The following INTS11 variants were observed in gnomAD, a reference collection of about 807,000 sequenced individuals.
INTS11 encodes the protein integrator complex subunit 11, also known as CPSF3-like protein.
INTS11 carries 77 observed loss-of-function variants against 78.6 expected under a neutral mutation model. The observed-to-expected ratio is 0.98, with a 90% CI of 0.81 to 1.18. INTS11 has a LOEUF of 1.18. Among genes scored for constraint, INTS11 ranks in the 50% most tolerant of loss-of-function variants. The pLI, the probability that INTS11 is intolerant of heterozygous loss-of-function variation, is 0.00. For synonymous variants in INTS11, 441 were observed against 326.9 expected (o/e 1.35, Z -3.77); for missense variants, 875 against 825.9 (o/e 1.06, Z -0.73).
chr1:1,311,807 G>T lies in INTS11; in HGVS notation c.*52C>A. 1.3e-6 allele frequency: 2 copies of T among 1,493,256 alleles called. No individual in the cohort carries two copies. Among genetic ancestry groups the T allele is most frequent in the Non-Finnish European group, 1.8e-6 (2 of 1,117,062 alleles). The allele number at this position is 1,493,256 out of a possible 1,614,324, so 92.5% of individuals were successfully genotyped here. ...CCACAGTCCTGAAGTGCAGGCCCAG[G>T]GTCTGTCCAGCTGGGAGAGGGCAGA... is the stretch of plus-strand genomic sequence containing the variant. On this transcript the variant is annotated 3_prime_UTR_variant, in exon 17 of 17. Coordinates refer to ENST00000435064, the MANE Select transcript of INTS11 (RefSeq NM_017871.6).
intron 10 of INTS11, 136 bp downstream of exon 10, chr1:1,313,373 C>T: frequency 4.8e-6 from 5 of 1,045,430 alleles, no homozygotes; most frequent in Non-Finnish European, 7.2e-6. Context: ...GGACATCGCC[C>T]CCGTTCCCCA....
At chr1:1,315,281 A>T in intron 6 of INTS11, 123 bp downstream of exon 6, 1 of 1,226,252 alleles carries the variant, frequency 8.2e-7, no homozygotes, top group Non-Finnish European at 1.2e-6. Context: ...GGGGCTCTCC[A>T]GGCCGCACAG....
chr1:1,313,953 C>G (rs1481723803), intron 8 of INTS11, 32 bp from the exon 9 acceptor site: 2 of 1,598,266 alleles, frequency 1.3e-6, no homozygotes, highest in Admixed American at 3.4e-5. Flanking sequence ...AGCACAGTGG[C>G]CACAGGGGAG....
chr1:1,324,637 G>A lies in INTS11; in HGVS notation c.-29C>T, dbSNP rs775298552. On this transcript the variant is annotated 5_prime_UTR_variant, in exon 1 of 17. Coordinates refer to ENST00000435064, the MANE Select transcript of INTS11 (RefSeq NM_017871.6). Reference sequence around the variant, plus strand: ...CTCCGCCGCGCTCCCGGACCCGCGAGGCCCGCCTGCGGTGATGCACTGCGC... The same window carrying A: ...CTCCGCCGCGCTCCCGGACCCGCGAAGCCCGCCTGCGGTGATGCACTGCGC... 2 of 1,598,586 alleles carry A rather than the reference G, an allele frequency of 1.3e-6. No individual in the cohort carries two copies. The highest frequency in any genetic ancestry group is 1.7e-5 in the Admixed American group (1 of 59,034).
In INTS11 at chr1:1,312,482, C is replaced by T; in HGVS notation, c.1422G>A (p.Lys474=). The T allele has an allele frequency of 1.9e-6, 3 of 1,580,018 alleles. No homozygotes were observed. Among genetic ancestry groups the T allele is most frequent in the Non-Finnish European group, 2.6e-6 (3 of 1,163,472 alleles). The part of the protein sequence containing the change: ...EMAQGLLPEA[K]KPRLLHGTLI... The stretch of plus-strand genomic sequence containing the variant: ...GGGTGCCGTGCAGGAGCCGAGGCTT[C>T]TTGGCCTCAGGGAGCAGCCCTGCGG... Residue 474 remains lysine, a synonymous_variant, in exon 14 of 17, where the codon AAG becomes AAA. Transcript: ENST00000435064.
chr1:1,315,038 C>T, intron 6 of INTS11, 76 bp from the exon 7 acceptor site: 1 of 1,557,738 alleles, frequency 6.4e-7, no homozygotes, highest in Non-Finnish European at 8.8e-7. Flanking sequence ...ACAAGCTGGA[C>T]CCCAGTACCA....
At chr1:1,323,158 G>A (rs754519977) in intron 1 of INTS11, 2 of 1,549,710 alleles carry the variant, frequency 1.3e-6, no homozygotes, top group South Asian at 2.4e-5. Context: ...GGGGCGGGGG[G>A]CACCCTCCGA....
At chr1:1,323,258 C>T (rs1643070471) in intron 1 of INTS11, 1 of 1,550,324 alleles carries the variant, frequency 6.5e-7, no homozygotes, top group East Asian at 2.4e-5. Flanking sequence ...GGTGGAAGGA[C>T]CAGGTTCCAG....
In INTS11 at chr1:1,312,898, C is replaced by T. The variant is rs778570936; in HGVS notation, c.1183G>A (p.Ala395Thr). ...CCCACCAGCTGCATGATGCCCTTGG[C>T]GTCCGCGTGTGCGCTGAATGACATG... ...EYMSFSAHAD[A>T]KGIMQLVGQA... is the part of the protein sequence containing the mutation. The change falls in exon 12 of 17, where the codon GCC becomes ACC. Residue 395 changes from alanine (A) to threonine (T), a missense_variant. Coordinates refer to ENST00000435064, the MANE Select transcript of INTS11 (RefSeq NM_017871.6). 6.2e-7 allele frequency: 1 copy of T among 1,612,562 alleles called. No homozygotes were observed. The highest frequency in any genetic ancestry group is 8.5e-7 in the Non-Finnish European group (1 of 1,179,876).
At position 1,322,396 on chromosome 1, in the gene INTS11, C is replaced by T. The variant is rs934951477; in HGVS notation, c.29-1303G>A. Among the ~76,000 whole-genome samples, 16 of 149,974 alleles carry T rather than the reference C, an allele frequency of 1.1e-4. No individual in the cohort carries two copies. The Admixed American group carries it at 1.1e-3, about 10-fold the overall frequency. The stretch of plus-strand genomic sequence containing the variant: ...GGAGATATCCCTGTCAGCAAGGAGA[C>T]AGACGGCAGACAAACAAGACACCCA... On this transcript the variant is annotated intron_variant, in intron 1 of 16. Transcript: ENST00000435064.
chr1:1,314,655 G>T lies in INTS11; in HGVS notation c.702+169C>A. The T allele has an allele frequency of 1.1e-6, 1 of 871,354 alleles. No homozygotes were observed. The highest frequency in any genetic ancestry group is 1.7e-6 in the Non-Finnish European group (1 of 571,610). The allele number at this position is 871,354 out of a possible 1,614,324, so 54.0% of individuals were successfully genotyped here. A position where few individuals can be genotyped will look rare whatever the true frequency, so the allele number is the denominator to read the frequency against. On this transcript the variant is annotated intron_variant, in intron 7 of 16. Coordinates refer to ENST00000435064, the MANE Select transcript of INTS11 (RefSeq NM_017871.6). This position sits in a 1 kb window ranked among gnomAD's most constrained non-coding sequence, Gnocchi z 4.2. Reference sequence around the variant, plus strand: ...AGGGAAAAGGGGCTCCCTAGGAAAGGGTCTCTGAGTTTTCCTCCTCAATGT... The same window carrying T: ...AGGGAAAAGGGGCTCCCTAGGAAAGTGTCTCTGAGTTTTCCTCCTCAATGT...
At position 1,314,870 on chromosome 1, in the gene INTS11, C is replaced by T. The variant is rs755190827; in HGVS notation, c.656G>A (p.Arg219Gln). Reference protein sequence around the residue: ...TIRDSKRCRERDFLKKVHETV... With the variant: ...TIRDSKRCREQDFLKKVHETV... ...CTCGTGGACTTTCTTCAGGAAGTCT[C>T]GCTCCCGGCAGCGCTTGGAGTCACG... is the stretch of plus-strand genomic sequence containing the variant. Residue 219 changes from arginine (R) to glutamine (Q), a missense_variant, in exon 7 of 17, where the codon CGA (arginine) becomes CAA (glutamine). By Grantham distance (43) the Arg-to-Gln change is conservative. Transcript: ENST00000435064. The surrounding 1 kb of genome is among the most constrained non-coding windows in gnomAD (Gnocchi z 4.2). 9 of 1,612,854 alleles carry T rather than the reference C, an allele frequency of 5.6e-6. No homozygotes were observed. The highest frequency in any genetic ancestry group is 5.3e-5 in the African/African-American group (4 of 74,906).
At chr1:1,323,579 AT>A (rs376175098) in intron 1 of INTS11, among the ~76,000 whole-genome samples, 209 of 137,964 alleles carry the variant, frequency 1.5e-3, no homozygotes, top group Middle Eastern at 7.3e-3. Flanking sequence ...CAATTTTAGC[AT>A]TTTTTTTTTT....
At chr1:1,321,207 G>T in intron 1 of INTS11, 114 bp from the exon 2 acceptor site, 3 of 772,878 alleles carry the variant, frequency 3.9e-6, no homozygotes, top group East Asian at 5.2e-5. Flanking sequence ...CTGCTGTGTG[G>T]ACAGACACAT....
rs1159120520 is a variant in INTS11 at position 1,314,863 on chromosome 1, G to A, written c.663C>T (p.Phe221=). The A allele has an allele frequency of 3.1e-6, 5 of 1,612,784 alleles. No homozygotes were observed. The highest frequency in any genetic ancestry group is 1.6e-4 in the Middle Eastern group (1 of 6,078). Residue 221 remains phenylalanine, a synonymous_variant, in exon 7 of 17, where the codon TTC becomes TTT. Coordinates refer to ENST00000435064, the MANE Select transcript of INTS11 (RefSeq NM_017871.6). The surrounding 1 kb of genome is among the most constrained non-coding windows in gnomAD (Gnocchi z 4.2). The stretch of plus-strand genomic sequence containing the variant: ...CCACGGTCTCGTGGACTTTCTTCAG[G>A]AAGTCTCGCTCCCGGCAGCGCTTGG... ...RDSKRCRERD[F]LKKVHETVER... is the part of the protein sequence containing the mutation.
intron 3 of INTS11, chr1:1,319,812 C>T (rs1642840655): frequency 9.7e-6 from 4 of 412,058 alleles, no homozygotes; most frequent in Admixed American, 8.3e-5. Flanking sequence ...GAGCCGCTGG[C>T]TTTTCAGGCA....
chr1:1,320,540 T>C lies in INTS11; in HGVS notation c.127-11A>G, dbSNP rs775566424. The C allele has an allele frequency of 6.2e-7, 1 of 1,613,446 alleles. No individual in the cohort carries two copies. The highest frequency in any genetic ancestry group is 1.3e-5 in the African/African-American group (1 of 74,882). ...GTCAGGGAAGCGTCGCTAGGAAGGA[T>C]GTGGGGGTTTCAGGTTGCACAGTGG... On this transcript the variant is annotated splice_polypyrimidine_tract_variant and intron_variant, in intron 2 of 16. Coordinates refer to ENST00000435064, the MANE Select transcript of INTS11 (RefSeq NM_017871.6).
rs765950302 is a variant in INTS11 at position 1,313,940 on chromosome 1, G to A, written c.768-19C>T. 1.2e-6 allele frequency: 2 copies of A among 1,607,146 alleles called. No individual in the cohort carries two copies. The highest frequency in any genetic ancestry group is 1.1e-5 in the South Asian group (1 of 90,828). The stretch of plus-strand genomic sequence containing the variant: ...GCGCTCCCTGGGGACCACCGGCCCA[G>A]TCAGCACAGTGGCCACAGGGGAGAA... On this transcript the variant is annotated intron_variant, in intron 8 of 16. Transcript: ENST00000435064.
intron 15 of INTS11, 26 bp downstream of exon 15, chr1:1,312,200 G>GGGGGC: frequency 2.4e-6 from 3 of 1,229,772 alleles, no homozygotes; most frequent in Non-Finnish European, 3.4e-6. Flanking sequence ...CAAGGGAGTG[G>GGGGGC]GGGGGGGGCG....
Sources: gnomAD v4.1 joint callset for allele counts (sites outside exome capture counted in the v4.1 genomes callset) on GRCh38, gnomAD v4.1.1 for gene constraint, Gnocchi (gnomAD v3.1) non-coding constraint, MANE v1.5 for transcripts, NCBI Gene and HGNC (gene_info 2026-07-23, HGNC 2026-07-21) for gene names.